Variants in UBE2Q2 observed in about 807,000 individuals in gnomAD.
UBE2Q2 encodes the protein ubiquitin conjugating enzyme E2 Q2.
UBE2Q2 carries 54 observed loss-of-function variants against 59.9 expected under a neutral mutation model. The observed-to-expected ratio is 0.90, with a 90% CI of 0.72 to 1.13. The LOEUF (loss-of-function observed/expected upper bound fraction) is 1.13, where lower values mean the gene tolerates loss of function less well. UBE2Q2 is among the 50% of genes most tolerant of loss of function. The pLI, the probability that UBE2Q2 is intolerant of heterozygous loss-of-function variation, is 0.00. For synonymous variants in UBE2Q2, 165 were observed against 155.2 expected (o/e 1.06, Z -0.47); for missense variants, 433 against 441.9 (o/e 0.98, Z 0.18).
At position 75,854,406 on chromosome 15, in the gene UBE2Q2, A is replaced by G; in HGVS notation, c.201A>G (p.Ser67=). ...CNITESYPSS[S]PIWFVDSEDP... ...AACAGGAATCCTATCCATCTTCTTC[A>G]CCGATATGGTTTGTGGATTCTGAAG... is the stretch of plus-strand genomic sequence containing the variant. The change falls in exon 2 of 13, where the codon TCA becomes TCG. Residue 67 remains serine (S), a synonymous_variant. Coordinates refer to ENST00000267938, the MANE Select transcript of UBE2Q2 (RefSeq NM_173469.4). 6.2e-7 allele frequency: 1 copy of G among 1,612,874 alleles called. No individual in the cohort carries two copies. Among genetic ancestry groups the G allele is most frequent in the Non-Finnish European group, 8.5e-7 (1 of 1,179,352 alleles).
At chr15:75,887,414 C>A (rs1207438887) in intron 9 of UBE2Q2, among the ~76,000 whole-genome samples, 1 of 152,042 alleles carries the variant, frequency 6.6e-6, no homozygotes, top group African/African-American at 2.4e-5. Flanking sequence ...TAAACACAAT[C>A]AGTTATCTAG....
intron 9 of UBE2Q2, among the ~76,000 whole-genome samples, 181 bp from the exon 10 acceptor site, chr15:75,890,254 C>G (rs1004069252): frequency 2.0e-5 from 3 of 152,170 alleles, no homozygotes. Flanking sequence ...ATTACATTAG[C>G]ATGATAACAT....
intron 2 of UBE2Q2, among the ~76,000 whole-genome samples, chr15:75,858,856 G>A (rs907264201): frequency 4.6e-5 from 7 of 152,228 alleles, no homozygotes; most frequent in African/African-American, 1.4e-4. Flanking sequence ...TTGTTGGATC[G>A]TAATTTACCG....
At chr15:75,851,697 AGT>A (rs1243404561) in intron 1 of UBE2Q2, among the ~76,000 whole-genome samples, 1 of 152,242 alleles carries the variant, frequency 6.6e-6, no homozygotes, top group Non-Finnish European at 1.5e-5. Context: ...TATCCTTTCA[AGT>A]AAAAATGGTA....
At chr15:75,891,109 A>G (rs1899075225) in intron 11 of UBE2Q2, 95 bp downstream of exon 11, 2 of 937,184 alleles carry the variant, frequency 2.1e-6, no homozygotes, top group Middle Eastern at 3.5e-4. Context: ...TTTTTGAGAT[A>G]GTTTCATTTT....
chr15:75,850,142 T>C (rs1234906677), intron 1 of UBE2Q2, among the ~76,000 whole-genome samples: 1 of 152,230 alleles, frequency 6.6e-6, no homozygotes, highest in African/African-American at 2.4e-5. Context: ...GAGTTTGTGC[T>C]GAAGGTTAAG....
chr15:75,850,477 G>T (rs574142659), intron 1 of UBE2Q2, among the ~76,000 whole-genome samples: 5 of 152,262 alleles, frequency 3.3e-5, no homozygotes, highest in Non-Finnish European at 7.4e-5. Flanking sequence ...TGTGATTCCA[G>T]ATCTCCCAGA....
chr15:75,891,114 C>A, intron 11 of UBE2Q2, 100 bp downstream of exon 11: 1 of 889,232 alleles, frequency 1.1e-6, no homozygotes, highest in Non-Finnish European at 1.7e-6. Context: ...GAGATAGTTT[C>A]ATTTTCATTT....
At chr15:75,864,382 G>C (rs557672192) in intron 3 of UBE2Q2, among the ~76,000 whole-genome samples, 9 of 152,140 alleles carry the variant, frequency 5.9e-5, no homozygotes, top group African/African-American at 2.2e-4. Context: ...TAGGGGTGCT[G>C]TTGGCATTTC....
At chr15:75,887,238 C>T (rs1898830511) in intron 9 of UBE2Q2, among the ~76,000 whole-genome samples, 1 of 152,124 alleles carries the variant, frequency 6.6e-6, no homozygotes, top group African/African-American at 2.4e-5. Flanking sequence ...AAATGCTAAC[C>T]ATGGACTTAA....
At position 75,879,163 on chromosome 15, in the gene UBE2Q2, A is replaced by G. The variant is rs779012615; in HGVS notation, c.800A>G (p.Tyr267Cys). Residue 267 changes from tyrosine to cysteine, a missense_variant, in exon 8 of 13, where the codon TAT becomes TGT. Coordinates refer to ENST00000267938, the MANE Select transcript of UBE2Q2 (RefSeq NM_173469.4). The stretch of plus-strand genomic sequence containing the variant: ...TTAAAAGAAAAAGAAGGCATAGAAT[A>G]TATTTTGCTTAACTTCTCTTTTAAG... ...QILKEKEGIEYILLNFSFKDN... is the reference protein window; with the variant it reads ...QILKEKEGIECILLNFSFKDN... 1.9e-5 allele frequency: 31 copies of G among 1,599,794 alleles called. No homozygotes were observed. In the East Asian group the frequency reaches 5.0e-4, roughly 26 times the overall value.
In UBE2Q2 at chr15:75,899,541, T is replaced by A; in HGVS notation, c.*83T>A. The A allele has an allele frequency of 8.7e-7, 1 of 1,144,734 alleles. No individual in the cohort carries two copies. Among genetic ancestry groups the A allele is most frequent in the South Asian group, 1.4e-5 (1 of 73,234 alleles). 70.9% of individuals were successfully genotyped at this position (1,144,734 alleles called of 1,614,324 possible). On this transcript the variant is annotated 3_prime_UTR_variant, in exon 13 of 13. Transcript: ENST00000267938. The stretch of plus-strand genomic sequence containing the variant: ...TGCAGACAAAAGCTTTGAGTGCCCC[T>A]ATTACAGCAGTACCGAAGATGTTAG...
intron 1 of UBE2Q2, chr15:75,844,630 C>T (rs1206684708): frequency 5.7e-6 from 5 of 872,138 alleles, no homozygotes; most frequent in Non-Finnish European, 8.5e-6. Context: ...AAAACTCACT[C>T]ATTAAGCGGA....
chr15:75,893,622 A>T (rs891943453), intron 11 of UBE2Q2, among the ~76,000 whole-genome samples: 1 of 152,206 alleles, frequency 6.6e-6, no homozygotes, highest in African/African-American at 2.4e-5. Flanking sequence ...CAATAATTAG[A>T]TATAGATCGT....
chr15:75,893,912 C>A (rs1432115296), intron 11 of UBE2Q2, among the ~76,000 whole-genome samples: 1 of 152,178 alleles, frequency 6.6e-6, no homozygotes, highest in African/African-American at 2.4e-5. Context: ...CCCCTCCTCT[C>A]CCTCCCTCTT....
intron 3 of UBE2Q2, among the ~76,000 whole-genome samples, chr15:75,864,266 T>C (rs1190447502): frequency 6.6e-6 from 1 of 151,980 alleles, no homozygotes; most frequent in African/African-American, 2.4e-5. Flanking sequence ...AGATCTAGGG[T>C]GTAGATCTAG....
At chr15:75,870,617 C>T (rs1466924488) in intron 4 of UBE2Q2, among the ~76,000 whole-genome samples, 3 of 152,080 alleles carry the variant, frequency 2.0e-5, no homozygotes, top group African/African-American at 4.8e-5. Context: ...GAAAGGTAGA[C>T]TGGACTTTGG....
At chr15:75,890,887 C>T (rs1356343453) in intron 10 of UBE2Q2, 32 bp from the exon 11 acceptor site, 1 of 1,557,272 alleles carries the variant, frequency 6.4e-7, no homozygotes, top group African/African-American at 1.4e-5. Context: ...AGAAATACTA[C>T]TGTATTTTAG....
intron 6 of UBE2Q2, among the ~76,000 whole-genome samples, chr15:75,876,846 G>A (rs909890592): frequency 6.6e-6 from 1 of 152,038 alleles, no homozygotes; most frequent in African/African-American, 2.4e-5. Context: ...TAAATAATGA[G>A]CCAAACTTTA....
Sources: allele counts gnomAD v4.1 joint callset (sites outside exome capture counted in the v4.1 genomes callset), GRCh38; gene constraint gnomAD v4.1.1; transcripts MANE v1.5; gene names NCBI Gene and HGNC (gene_info 2026-07-23, HGNC 2026-07-21).